Variants in RIMS1 observed in about 807,000 individuals in gnomAD.
The protein encoded by RIMS1 is regulating synaptic membrane exocytosis protein 1.
In RIMS1, 83 loss-of-function variants were observed where a neutral mutation model predicts 214.1. The ratio of observed to expected loss-of-function variants is 0.39; its 90% CI spans 0.32 to 0.47. RIMS1 has a LOEUF of 0.47. Ranked by LOEUF, RIMS1 falls within the 20% of genes least tolerant of loss-of-function variation. The probability of loss-of-function intolerance (pLI) is 0.99; values close to 1 mark genes in which losing one functional copy is unlikely to be tolerated. For synonymous variants in RIMS1, 793 were observed against 786.8 expected, an observed-to-expected ratio of 1.01 and a Z score of -0.13; for missense variants, 2,050 against 2,161.8, an observed-to-expected ratio of 0.95 and a Z score of 1.03.
intron 1 of RIMS1, among the ~76,000 whole-genome samples, chr6:71,951,057 A>G (rs1770091349): frequency 6.6e-6 from 1 of 152,210 alleles, no homozygotes; most frequent in South Asian, 2.1e-4. Context: ...CAAACATCAA[A>G]TACACTAATG....
At chr6:72,010,567 A>G (rs566504856) in intron 2 of RIMS1, among the ~76,000 whole-genome samples, 28 of 152,332 alleles carry the variant, frequency 1.8e-4, no homozygotes, top group African/African-American at 6.5e-4. Flanking sequence ...TTATAATTGT[A>G]TATCTAGAAA....
At chr6:72,216,353 C>G in intron 6 of RIMS1, 3 of 601,648 alleles carry the variant, frequency 5.0e-6, no homozygotes, top group Non-Finnish European at 6.3e-6. Flanking sequence ...GCCACCTTCT[C>G]CTGTCCCCAG....
chr6:72,078,426 C>T (rs1832441949), intron 2 of RIMS1, among the ~76,000 whole-genome samples: 2 of 151,882 alleles, frequency 1.3e-5, no homozygotes, highest in Non-Finnish European at 2.9e-5. Context: ...TTCCCTAATA[C>T]TTCATGTATT....
At chr6:72,277,169 A>C (rs910045923) in intron 23 of RIMS1, among the ~76,000 whole-genome samples, 1 of 152,228 alleles carries the variant, frequency 6.6e-6, no homozygotes, top group Non-Finnish European at 1.5e-5. Flanking sequence ...ATATGTGTAC[A>C]CAGACACACA....
intron 1 of RIMS1, among the ~76,000 whole-genome samples, chr6:71,924,870 G>A (rs961859209): frequency 6.6e-6 from 1 of 150,656 alleles, no homozygotes; most frequent in Non-Finnish European, 1.5e-5. Context: ...ATCTCTTTGA[G>A]GGTGTTGCCT....
rs778131909 is a variant in RIMS1 at position 72,313,670 on chromosome 6, C to G, written c.4128C>G (p.Ile1376Met). 2 of 1,611,190 alleles carry G rather than the reference C, an allele frequency of 1.2e-6. No individual in the cohort carries two copies. Among genetic ancestry groups the G allele is most frequent in the South Asian group, 2.2e-5 (2 of 90,588 alleles). Residue 1376 changes from isoleucine to methionine, a missense_variant and splice_region_variant, in exon 28 of 34, where the codon ATC becomes ATG. Ile to Met is a conservative substitution (Grantham distance 10). Around this residue, in one of 6 missense-constraint regions of RIMS1, gnomAD observed 889 missense variants for 885.5 expected, o/e 1.00. Coordinates refer to ENST00000521978, the MANE Select transcript of RIMS1 (RefSeq NM_014989.7). ...AATCTGAGCGCCCCAGGGGTAGAAT[C>G]AGGTGAGTTGGCAATACTGTTTATA... The part of the protein sequence containing the change: ...SEQSERPRGR[I>M]SSFTPKMQGR...
chr6:72,144,570 A>G (rs550678428), intron 4 of RIMS1, among the ~76,000 whole-genome samples: 1 of 151,988 alleles, frequency 6.6e-6, no homozygotes, highest in African/African-American at 2.4e-5. Context: ...GCCTGCTAAG[A>G]TTTGGGTGCA....
chr6:72,088,318 G>A (rs964006824), intron 2 of RIMS1, among the ~76,000 whole-genome samples: 12 of 150,920 alleles, frequency 8.0e-5, no homozygotes, highest in Non-Finnish European at 1.2e-4. Context: ...GCCTGATCTC[G>A]GCTCACTGCA....
chr6:72,265,674 G>GT (rs1244092931), intron 21 of RIMS1, among the ~76,000 whole-genome samples, 171 bp downstream of exon 21: 22 of 151,978 alleles, frequency 1.4e-4, no homozygotes, highest in African/African-American at 5.1e-4. Flanking sequence ...TCTGTATCCA[G>GT]TTTTTTTCAT....
At chr6:72,260,584 C>A (rs1026176199) in intron 18 of RIMS1, 121 bp from the exon 19 acceptor site, 9 of 1,322,178 alleles carry the variant, frequency 6.8e-6, no homozygotes, top group Non-Finnish European at 8.4e-6. Context: ...ACCTCTCAAG[C>A]AAATATGCTA....
chr6:72,335,604 G>T (rs1346444604), intron 29 of RIMS1, among the ~76,000 whole-genome samples: 1 of 151,890 alleles, frequency 6.6e-6, no homozygotes, highest in Non-Finnish European at 1.5e-5. Context: ...GGGATTGCTG[G>T]GTCAAATGGT....
At chr6:72,079,945 AAAC>A (rs1056860330) in intron 2 of RIMS1, among the ~76,000 whole-genome samples, 3 of 151,448 alleles carry the variant, frequency 2.0e-5, no homozygotes, top group Admixed American at 6.6e-5. Flanking sequence ...TTTTTTTAAA[AAAC>A]AAAACGGGCT....
intron 4 of RIMS1, among the ~76,000 whole-genome samples, chr6:72,150,195 CA>C (rs11423317): frequency 0.22 from 31,656 of 144,442 alleles, 4,002 homozygotes; most frequent in Non-Finnish European, 0.28. Context: ...TGTGAGTATG[CA>C]AAAAAAAAAG....
intron 28 of RIMS1, chr6:72,316,631 C>T: frequency 2.1e-6 from 1 of 487,112 alleles, no homozygotes; most frequent in East Asian, 5.1e-5. Context: ...CAGCCTGGAG[C>T]AGGAGCCACC....
At chr6:72,362,031 C>T (rs963710926) in intron 29 of RIMS1, among the ~76,000 whole-genome samples, 7 of 141,322 alleles carry the variant, frequency 5.0e-5, no homozygotes, top group East Asian at 2.0e-4. Context: ...GTAATTTTTT[C>T]GCCCAAATTA....
At chr6:72,315,391 T>C (rs1274381636) in intron 28 of RIMS1, among the ~76,000 whole-genome samples, 7 of 152,192 alleles carry the variant, frequency 4.6e-5, no homozygotes. Context: ...TCTTTGTAGT[T>C]TAAAACCCAT....
rs1333780937 is a variant in RIMS1, at chr6:72,100,003, T to C, written c.471+17T>C. 1.3e-6 allele frequency: 2 copies of C among 1,587,764 alleles called. No homozygotes were observed. The highest frequency in any genetic ancestry group is 1.7e-6 in the Non-Finnish European group (2 of 1,157,162). On this transcript the variant is annotated intron_variant, in intron 4 of 33. Transcript: ENST00000521978. ...GACAAAGTGGTTAGAATCCATACTT[T>C]CTTTTCTATCATTTGTTATTGTATT...
intron 4 of RIMS1, among the ~76,000 whole-genome samples, chr6:72,157,688 G>A (rs1244147073): frequency 1.4e-5 from 2 of 139,812 alleles, no homozygotes; most frequent in Non-Finnish European, 3.3e-5. Flanking sequence ...CTTCTAATTA[G>A]CAAATCATTG....
chr6:72,313,760 C>T (rs1465546496), intron 28 of RIMS1, 88 bp downstream of exon 28: 1 of 1,316,562 alleles, frequency 7.6e-7, no homozygotes, highest in African/African-American at 1.5e-5. Context: ...TTCTATAATA[C>T]AGTTTAGGTC....
Sources: allele counts gnomAD v4.1 joint callset (sites outside exome capture counted in the v4.1 genomes callset), GRCh38; gene constraint gnomAD v4.1.1; regional missense constraint gnomAD v4.1.1; transcripts MANE v1.5; gene names NCBI Gene and HGNC (gene_info 2026-07-23, HGNC 2026-07-21).